Variants in KIRREL1 observed in about 807,000 individuals in gnomAD.
KIRREL1 encodes kin of IRRE-like protein 1.
KIRREL1 carries 25 observed loss-of-function variants against 83.3 expected under a neutral mutation model. The ratio of observed to expected loss-of-function variants is 0.30; its 90% CI spans 0.22 to 0.42. The LOEUF (loss-of-function observed/expected upper bound fraction) is 0.42, where lower values mean the gene tolerates loss of function less well. Among genes scored for constraint, KIRREL1 ranks in the 10% least tolerant of loss-of-function variants. The pLI is 1.00. For synonymous variants in KIRREL1, 388 were observed against 410.4 expected (o/e 0.95, Z 0.66); for missense variants, 812 against 1,032.3 (o/e 0.79, Z 2.92).
intron 1 of KIRREL1, among the ~76,000 whole-genome samples, chr1:158,010,393 GCATACACA>G (rs1659647302): frequency 8.0e-5 from 1 of 12,570 alleles, no homozygotes; most frequent in Non-Finnish European, 1.6e-4. Flanking sequence ...TCACACACAT[GCATACACA>G]CACACACACA....
chr1:158,099,685 A>G lies in KIRREL1; in HGVS notation c.*4565A>G, dbSNP rs2101656094. 6.6e-6 allele frequency: 1 copy of G among 152,244 alleles called. No homozygotes were observed. Among genetic ancestry groups the G allele is most frequent in the Non-Finnish European group, 1.5e-5 (1 of 68,026 alleles). 9.4% of individuals were successfully genotyped at this position (152,244 alleles called of 1,614,324 possible). On this transcript the variant is annotated 3_prime_UTR_variant, in exon 15 of 15. Coordinates refer to ENST00000359209, the MANE Select transcript of KIRREL1 (RefSeq NM_018240.7). ...CTCCATTTGCATAGAACTGTCACTC[A>G]TTCCTGCCAGTCTGCTGTCCCTACC...
intron 1 of KIRREL1, among the ~76,000 whole-genome samples, chr1:158,052,901 C>A (rs1466228271): frequency 6.6e-6 from 1 of 152,124 alleles, no homozygotes; most frequent in Non-Finnish European, 1.5e-5. Flanking sequence ...GAGAGGGGAG[C>A]TGGTGTGTCA....
chr1:158,077,228 T>A (rs369112070), intron 2 of KIRREL1, among the ~76,000 whole-genome samples: 2 of 152,182 alleles, frequency 1.3e-5, no homozygotes, highest in Non-Finnish European at 2.9e-5. Context: ...TTCGTCTGTG[T>A]AGAGCAATCC....
intron 13 of KIRREL1, among the ~76,000 whole-genome samples, chr1:158,093,968 T>A (rs187357006): frequency 8.8e-4 from 134 of 152,356 alleles, no homozygotes; most frequent in Non-Finnish European, 1.2e-3. Context: ...CAGCTGGGAT[T>A]GTCCAAAGAC....
Position 158,048,834 on chromosome 1 carries a change from T to C in KIRREL1, c.53-27279T>C, listed in dbSNP as rs183800062. Reference sequence around the variant, plus strand: ...TGCGAGAGTAGGAAATAGGATGACATTGACCGAGAGAGTGTAAAGTATTTA... The same window carrying C: ...TGCGAGAGTAGGAAATAGGATGACACTGACCGAGAGAGTGTAAAGTATTTA... On this transcript the variant is annotated intron_variant, in intron 1 of 14. Transcript: ENST00000359209. Among the ~76,000 whole-genome samples the C allele has an allele frequency of 2.0e-4, 30 of 152,236 alleles. No homozygotes were observed. In the East Asian group the frequency reaches 5.4e-3, roughly 27 times the overall value.
rs568194153 is a variant in KIRREL1, at chr1:158,054,663, A to C, written c.53-21450A>C. On this transcript the variant is annotated intron_variant, in intron 1 of 14. Transcript: ENST00000359209. The stretch of plus-strand genomic sequence containing the variant: ...CTCACCCACGGTCTCCCTGGCAGTA[A>C]GTGGCAGAGCTGGAGTTCAGATCCA... Among the ~76,000 whole-genome samples, 16 of 152,318 alleles carry C rather than the reference A, an allele frequency of 1.1e-4. No homozygotes were observed. In the South Asian group the frequency reaches 2.3e-3, roughly 22 times the overall value.
intron 1 of KIRREL1, among the ~76,000 whole-genome samples, chr1:158,031,884 G>T (rs147405224): frequency 6.6e-6 from 1 of 152,250 alleles, no homozygotes; most frequent in African/African-American, 2.4e-5. Context: ...CAAAATTTGA[G>T]ACTAGCCTGG....
chr1:158,035,642 G>A (rs1409695889), intron 1 of KIRREL1, among the ~76,000 whole-genome samples: 1 of 152,202 alleles, frequency 6.6e-6, no homozygotes, highest in Non-Finnish European at 1.5e-5. Flanking sequence ...TCAGAGAAGT[G>A]AAGGTGGAGC....
chr1:158,031,559 A>G (rs2101671662), intron 1 of KIRREL1, among the ~76,000 whole-genome samples: 1 of 152,318 alleles, frequency 6.6e-6, no homozygotes, highest in South Asian at 2.1e-4. Context: ...TAGTGTGTGT[A>G]ATGCTCAGGA....
At chr1:157,993,986 C>A (rs1246964748) in intron 1 of KIRREL1, among the ~76,000 whole-genome samples, 1 of 152,230 alleles carries the variant, frequency 6.6e-6, no homozygotes, top group South Asian at 2.1e-4. Flanking sequence ...AGCAATGGGG[C>A]CGCGAGGGCT....
chr1:158,049,433 G>A (rs1184145222), intron 1 of KIRREL1, among the ~76,000 whole-genome samples: 2 of 152,178 alleles, frequency 1.3e-5, no homozygotes, highest in East Asian at 1.9e-4. Context: ...GGGTGCACCC[G>A]CACTGAGAGG....
chr1:158,004,929 G>A lies in KIRREL1; in HGVS notation c.52+11201G>A, dbSNP rs569276095. On this transcript the variant is annotated intron_variant, in intron 1 of 14. Transcript: ENST00000359209. ...ACTGCACTCCAGCCTGGGCCACAGA[G>A]CAAGACTCTGTCTCAAAAATAAATA... 1.4e-3 allele frequency among the ~76,000 whole-genome samples: 213 copies of A among 152,286 alleles called. 1 individual carries two copies. Among genetic ancestry groups the A allele is most frequent in the African/African-American group, 4.8e-3 (201 of 41,556 alleles).
At chr1:158,039,799 G>A (rs1212656913) in intron 1 of KIRREL1, among the ~76,000 whole-genome samples, 1 of 152,238 alleles carries the variant, frequency 6.6e-6, no homozygotes, top group Admixed American at 6.5e-5. Flanking sequence ...GTTGCTACCT[G>A]TGTTGGTGTG....
At chr1:158,055,187 G>T (rs1661019420) in intron 1 of KIRREL1, among the ~76,000 whole-genome samples, 1 of 151,938 alleles carries the variant, frequency 6.6e-6, no homozygotes, top group Non-Finnish European at 1.5e-5. Flanking sequence ...GCTTATTCTT[G>T]GCCCACCTGA....
chr1:158,037,921 G>T (rs1660520155), intron 1 of KIRREL1, among the ~76,000 whole-genome samples: 1 of 152,336 alleles, frequency 6.6e-6, no homozygotes, highest in Non-Finnish European at 1.5e-5. Context: ...AGGGTGCCTG[G>T]CTGATGGACT....
intron 10 of KIRREL1, 98 bp downstream of exon 10, chr1:158,089,916 C>T (rs1662142781): frequency 3.0e-6 from 3 of 1,000,254 alleles, no homozygotes; most frequent in Non-Finnish European, 4.6e-6. Flanking sequence ...CTTCAACTTC[C>T]CTGTCCCGTT....
chr1:158,069,327 T>C lies in KIRREL1; in HGVS notation c.53-6786T>C, dbSNP rs554437910. 1.1e-4 allele frequency among the ~76,000 whole-genome samples: 16 copies of C among 151,786 alleles called. 1 individual carries two copies. The East Asian group carries it at 3.1e-3, about 29-fold the overall frequency. On this transcript the variant is annotated intron_variant, in intron 1 of 14. Coordinates refer to ENST00000359209, the MANE Select transcript of KIRREL1 (RefSeq NM_018240.7). The stretch of plus-strand genomic sequence containing the variant: ...TTGTGTGTGTGTGTGTGTGTGTGTG[T>C]GTGTGTGTGTGTGTGTGAATCTAAG...
intron 1 of KIRREL1, among the ~76,000 whole-genome samples, chr1:158,031,855 A>G (rs1660334500): frequency 6.6e-6 from 1 of 152,168 alleles, no homozygotes; most frequent in African/African-American, 2.4e-5. Context: ...AGGCAGAGGC[A>G]GGAGGAGCAC....
intron 1 of KIRREL1, among the ~76,000 whole-genome samples, chr1:158,011,783 A>G (rs989751148): frequency 1.3e-5 from 2 of 152,156 alleles, no homozygotes; most frequent in African/African-American, 4.8e-5. Context: ...CAGTGGGGGA[A>G]GGAGCCTGGA....
Sources: gnomAD v4.1 joint callset for allele counts (sites outside exome capture counted in the v4.1 genomes callset) on GRCh38, gnomAD v4.1.1 for gene constraint, MANE v1.5 for transcripts, NCBI Gene and HGNC (gene_info 2026-07-23, HGNC 2026-07-21) for gene names.